Variants in FGF14 observed in about 807,000 individuals in gnomAD.
FGF14 encodes fibroblast growth factor homologous factor 4.
Under a neutral mutation model 25.5 loss-of-function variants are expected in FGF14, and 5 were observed. The observed-to-expected ratio is 0.20, with a 90% CI of 0.10 to 0.41. The LOEUF is 0.41. Among genes scored for constraint, FGF14 ranks in the 10% least tolerant of loss-of-function variants. The probability of loss-of-function intolerance (pLI) is 1.00; values close to 1 mark genes in which losing one functional copy is unlikely to be tolerated. For missense variants in FGF14, 222 were observed against 320.1 expected (o/e 0.69, Z 2.34); for synonymous variants, 138 against 118.3 (o/e 1.17, Z -1.08).
chr13:101,768,381 A>G (rs926152162), intron 3 of FGF14, among the ~76,000 whole-genome samples: 1 of 152,198 alleles, frequency 6.6e-6, no homozygotes, highest in Non-Finnish European at 1.5e-5. Context: ...TATTGTCAGC[A>G]TATCAGTTAT....
chr13:102,369,404 G>A (rs576413531), intron 1 of FGF14, among the ~76,000 whole-genome samples: 12 of 152,304 alleles, frequency 7.9e-5, no homozygotes, highest in Non-Finnish European at 1.6e-4. Flanking sequence ...TGTGCTGTGG[G>A]AATACAGGTG....
intron 1 of FGF14, among the ~76,000 whole-genome samples, chr13:101,983,920 G>A (rs1322686): frequency 0.013 from 2,031 of 152,224 alleles, 43 homozygotes; most frequent in African/African-American, 0.047. Flanking sequence ...GGCTATGCAG[G>A]CAACAGTGTT....
Position 101,712,379 on chromosome 13 carries a change from C to G in FGF14, c.*10452G>C, listed in dbSNP as rs925043277. 7 of 152,164 alleles carry G rather than the reference C, an allele frequency of 4.6e-5. No homozygotes were observed. The highest frequency in any genetic ancestry group is 1.7e-4 in the African/African-American group (7 of 41,428). The allele number at this position is 152,164 out of a possible 1,614,324, so 9.4% of individuals were successfully genotyped here. ...GTTCTATCCATATATGCCATATTAGCTTTAGCTGAGCTTACCAGTTTTCTG... is the reference window on the plus strand; with the variant it reads ...GTTCTATCCATATATGCCATATTAGGTTTAGCTGAGCTTACCAGTTTTCTG... On this transcript the variant is annotated 3_prime_UTR_variant, in exon 5 of 5. Transcript: ENST00000376143.
chr13:102,069,599 C>T (rs557030939), intron 1 of FGF14, among the ~76,000 whole-genome samples: 3 of 151,992 alleles, frequency 2.0e-5, no homozygotes, highest in East Asian at 3.9e-4. Flanking sequence ...CCGGGAGGAA[C>T]GAACAACTCC....
At chr13:101,878,420 T>A (rs1407934219) in intron 1 of FGF14, among the ~76,000 whole-genome samples, 5 of 152,190 alleles carry the variant, frequency 3.3e-5, no homozygotes, top group African/African-American at 1.2e-4. Context: ...TATGGTAATT[T>A]TATGGTATCA....
intron 1 of FGF14, among the ~76,000 whole-genome samples, chr13:102,158,414 A>G (rs574210761): frequency 2.6e-5 from 4 of 152,028 alleles, no homozygotes; most frequent in African/African-American, 4.8e-5. Context: ...GCAAACTATC[A>G]CAAGGACAAA....
intron 1 of FGF14, among the ~76,000 whole-genome samples, chr13:101,901,698 T>C (rs1290715097): frequency 1.3e-5 from 2 of 152,068 alleles, no homozygotes; most frequent in African/African-American, 2.4e-5. Context: ...AGCAAGACTC[T>C]GTCTCAAAAA....
At position 101,749,124 on chromosome 13, in the gene FGF14, A is replaced by G. The variant is rs192142986; in HGVS notation, c.409-22314T>C. 2.7e-4 allele frequency among the ~76,000 whole-genome samples: 41 copies of G among 152,258 alleles called. No individual in the cohort carries two copies. The East Asian group carries it at 7.5e-3, about 28-fold the overall frequency. On this transcript the variant is annotated intron_variant, in intron 3 of 4. Transcript: ENST00000376143. ...CTAAAGTAGCTAAATTCATAGAAAC[A>G]AATTAGAATTGCGGTTGCCGGTGGC...
intron 1 of FGF14, among the ~76,000 whole-genome samples, chr13:101,911,538 T>C (rs566237052): frequency 1.4e-3 from 209 of 152,258 alleles, no homozygotes; most frequent in African/African-American, 4.7e-3. Flanking sequence ...ATAGCAAATA[T>C]GGACTGTGAA....
rs965449866 is a variant in FGF14, at chr13:102,204,610, G to A, written c.208+196861C>T. On this transcript the variant is annotated intron_variant, in intron 1 of 4. Transcript: ENST00000376131. ...CACCCAGGCTGGGGTGCAGTGGTGC[G>A]GTCGTGGCTCACTGCAAACTCCACC... 3.9e-4 allele frequency among the ~76,000 whole-genome samples: 59 copies of A among 151,896 alleles called. No individual in the cohort carries two copies. In the East Asian group the frequency reaches 5.0e-3, roughly 13 times the overall value.
At chr13:102,275,238 C>CTT (rs1484657752) in intron 1 of FGF14, among the ~76,000 whole-genome samples, 85 of 98,494 alleles carry the variant, frequency 8.6e-4, no homozygotes, top group African/African-American at 3.9e-3. Context: ...GCAGATTTCT[C>CTT]TCTCTCTCTC....
At chr13:102,086,315 T>C (rs527789711) in intron 1 of FGF14, among the ~76,000 whole-genome samples, 1 of 152,150 alleles carries the variant, frequency 6.6e-6, no homozygotes, top group African/African-American at 2.4e-5. Context: ...GGTCAGGAGA[T>C]AGAGACCATC....
intron 1 of FGF14, among the ~76,000 whole-genome samples, chr13:102,370,223 C>G (rs184212806): frequency 6.6e-6 from 1 of 152,088 alleles, no homozygotes; most frequent in Non-Finnish European, 1.5e-5. Context: ...GAACTCCTGG[C>G]CTCAAGTGAT....
intron 1 of FGF14, among the ~76,000 whole-genome samples, chr13:102,021,300 T>C (rs1001144928): frequency 4.6e-5 from 7 of 152,084 alleles, no homozygotes; most frequent in East Asian, 1.9e-4. Flanking sequence ...TGAAACATTC[T>C]ACTTAGCTCA....
intron 3 of FGF14, among the ~76,000 whole-genome samples, chr13:101,727,150 A>G (rs752142641): frequency 1.3e-5 from 2 of 152,148 alleles, no homozygotes; most frequent in Non-Finnish European, 2.9e-5. Flanking sequence ...AATAAAGTGA[A>G]CCAAATAAAA....
At chr13:101,765,769 G>A (rs867711424) in intron 3 of FGF14, among the ~76,000 whole-genome samples, 1 of 151,058 alleles carries the variant, frequency 6.6e-6, no homozygotes, top group Admixed American at 6.6e-5. Flanking sequence ...CGCTTTTGTC[G>A]CCCAGGCTGG....
chr13:101,781,144 C>G (rs950209311), intron 3 of FGF14, among the ~76,000 whole-genome samples: 2 of 152,078 alleles, frequency 1.3e-5, no homozygotes, highest in Admixed American at 6.6e-5. Flanking sequence ...TTGTCTCTCT[C>G]TCTCTCTCAC....
chr13:101,793,574 G>A (rs1049290499), intron 3 of FGF14, among the ~76,000 whole-genome samples: 6 of 152,016 alleles, frequency 3.9e-5, no homozygotes, highest in Admixed American at 1.3e-4. Flanking sequence ...TAATGATTTC[G>A]AATCTTTTAG....
intron 3 of FGF14, among the ~76,000 whole-genome samples, chr13:101,767,246 T>A (rs545309503): frequency 6.6e-6 from 1 of 152,290 alleles, no homozygotes; most frequent in African/African-American, 2.4e-5. Flanking sequence ...AGAGCTGTGG[T>A]TTGTCACCAT....
Sources: allele counts gnomAD v4.1 joint callset (sites outside exome capture counted in the v4.1 genomes callset), GRCh38; gene constraint gnomAD v4.1.1; transcripts MANE v1.5; gene names NCBI Gene and HGNC (gene_info 2026-07-23, HGNC 2026-07-21).